Variants in TSPAN14 observed in about 807,000 individuals in gnomAD.
TSPAN14 encodes tetraspanin 14.
In TSPAN14, 16 loss-of-function variants were observed where a neutral mutation model predicts 36.6. The observed-to-expected ratio is 0.44, with a 90% CI of 0.30 to 0.66. The LOEUF (loss-of-function observed/expected upper bound fraction) is 0.66, where lower values mean the gene tolerates loss of function less well. TSPAN14 is among the 30% of genes least tolerant of loss of function. TSPAN14 has a pLI of 0.12. For missense variants in TSPAN14, 231 were observed against 355.1 expected (o/e 0.65, Z 2.81); for synonymous variants, 139 against 143.8 (o/e 0.97, Z 0.24).
rs754254301 is a variant in TSPAN14, at chr10:80,484,240, T to TA, written c.-17-4964dup. The stretch of plus-strand genomic sequence containing the variant: ...CTTGGGCAACAGAGCAGGACTTGTT[T>TA]AAAAAAAAAAAAAGTGTAAAATAGT... On this transcript the variant is annotated intron_variant, in intron 1 of 8. Coordinates refer to ENST00000429989, the Ensembl canonical transcript of TSPAN14. 5.6e-3 allele frequency among the ~76,000 whole-genome samples: 812 copies of TA among 145,844 alleles called. 41 individuals carry two copies. The East Asian group carries it at 0.11, about 20-fold the overall frequency.
At position 80,492,772 on chromosome 10, in the gene TSPAN14, C is replaced by T. The variant is rs528345455; in HGVS notation, c.81+3458C>T. 7.9e-5 allele frequency among the ~76,000 whole-genome samples: 12 copies of T among 151,876 alleles called. No individual in the cohort carries two copies. In the South Asian group the frequency reaches 1.5e-3, roughly 18 times the overall value. ...CGGAGCTTGCAGTGAGCCAAGATCG[C>T]GCCACTGCACTCCAGCCTGGGCGAC... On this transcript the variant is annotated intron_variant, in intron 2 of 8. Transcript: ENST00000429989.
intron 4 of TSPAN14, among the ~76,000 whole-genome samples, chr10:80,508,730 G>A (rs918807566): frequency 2.0e-5 from 3 of 152,142 alleles, no homozygotes; most frequent in African/African-American, 4.8e-5. Flanking sequence ...CACATGTCCT[G>A]CATGAACTAT....
chr10:80,503,659 G>A (rs1848651524), intron 2 of TSPAN14, among the ~76,000 whole-genome samples: 1 of 152,106 alleles, frequency 6.6e-6, no homozygotes, highest in Admixed American at 6.5e-5. Context: ...TCCAGAAGAG[G>A]TTGGATCACA....
At chr10:80,461,323 C>G (rs1056223682) in intron 1 of TSPAN14, among the ~76,000 whole-genome samples, 1 of 152,234 alleles carries the variant, frequency 6.6e-6, no homozygotes, top group African/African-American at 2.4e-5. Flanking sequence ...GGCCTTCCCT[C>G]CTTCCTAAAG....
At chr10:80,493,042 T>C (rs920012638) in intron 2 of TSPAN14, among the ~76,000 whole-genome samples, 3 of 152,176 alleles carry the variant, frequency 2.0e-5, no homozygotes, top group Admixed American at 2.0e-4. Context: ...GAGGTTCTTA[T>C]CACAAGGATG....
chr10:80,510,670 C>G (rs541805159), intron 5 of TSPAN14, among the ~76,000 whole-genome samples: 10 of 152,206 alleles, frequency 6.6e-5, no homozygotes, highest in Non-Finnish European at 1.3e-4. Context: ...GTCAGGAGAT[C>G]GAGACCATCC....
chr10:80,485,519 T>G (rs565977857), intron 1 of TSPAN14: 1 of 515,604 alleles, frequency 1.9e-6, no homozygotes, highest in East Asian at 1.5e-4. Context: ...TCATTACCCC[T>G]CCACAGTCAG....
At chr10:80,455,341 G>A (rs1177828282) in intron 1 of TSPAN14, among the ~76,000 whole-genome samples, 3 of 152,162 alleles carry the variant, frequency 2.0e-5, no homozygotes, top group African/African-American at 2.4e-5. Flanking sequence ...ACACTCGTTG[G>A]CTGTGCTGGC....
intron 1 of TSPAN14, among the ~76,000 whole-genome samples, chr10:80,484,392 A>T (rs1350117989): frequency 6.6e-6 from 1 of 151,732 alleles, no homozygotes; most frequent in African/African-American, 2.4e-5. Context: ...TGGTGTCATC[A>T]CTGTTCATCA....
chr10:80,472,715 C>G (rs1306549644), intron 1 of TSPAN14, among the ~76,000 whole-genome samples: 2 of 152,044 alleles, frequency 1.3e-5, no homozygotes, highest in African/African-American at 2.4e-5. Context: ...TCCTTCTTTC[C>G]TGTTTATTTA....
chr10:80,493,879 C>T (rs117047445), intron 2 of TSPAN14, among the ~76,000 whole-genome samples: 1 of 152,158 alleles, frequency 6.6e-6, no homozygotes, highest in Admixed American at 6.5e-5. Context: ...TTATACCCCC[C>T]ACTGGTTCCA....
At chr10:80,487,317 G>A (rs1277001625) in intron 1 of TSPAN14, among the ~76,000 whole-genome samples, 5 of 151,800 alleles carry the variant, frequency 3.3e-5, no homozygotes, top group African/African-American at 4.8e-5. Flanking sequence ...CAGTATCACC[G>A]TGGGGGCGGG....
chr10:80,509,733 C>A lies in TSPAN14; in HGVS notation c.450+262C>A. 2.1e-6 allele frequency: 1 copy of A among 470,504 alleles called. No individual in the cohort carries two copies. The highest frequency in any genetic ancestry group is 3.8e-6 in the Non-Finnish European group (1 of 260,382). 29.1% of individuals were successfully genotyped at this position (470,504 alleles called of 1,614,324 possible). A position where few individuals can be genotyped will look rare whatever the true frequency, so the allele number is the denominator to read the frequency against. ...CCGAGGCCACCCACCCCCCACGTGC[C>A]CGGCCCTCCTCTTTCGGCCCCAGAT... is the stretch of plus-strand genomic sequence containing the variant. On this transcript the variant is annotated intron_variant, in intron 5 of 8. Transcript: ENST00000429989. This position sits in a 1 kb window ranked among gnomAD's most constrained non-coding sequence, Gnocchi z 4.7.
intron 1 of TSPAN14, among the ~76,000 whole-genome samples, chr10:80,476,227 G>A (rs1006172059): frequency 6.6e-6 from 1 of 151,900 alleles, no homozygotes; most frequent in African/African-American, 2.4e-5. Context: ...TTAAAAATCA[G>A]TTGGGCTTGG....
At chr10:80,462,001 C>A (rs183492788) in intron 1 of TSPAN14, among the ~76,000 whole-genome samples, 10 of 152,084 alleles carry the variant, frequency 6.6e-5, no homozygotes, top group African/African-American at 1.9e-4. Context: ...GAGGCCTCCA[C>A]CTTCCTGGCT....
Position 80,465,129 on chromosome 10 carries a change from G to A in TSPAN14, c.-18+10758G>A, listed in dbSNP as rs78525861. On this transcript the variant is annotated intron_variant, in intron 1 of 8. Coordinates refer to ENST00000429989, the Ensembl canonical transcript of TSPAN14. Reference sequence around the variant, plus strand: ...AGCTGGGCAAGGAGCAGGAGTGGCCGGTGCCAGGCTTGTCGGCCACCTGCC... The same window carrying A: ...AGCTGGGCAAGGAGCAGGAGTGGCCAGTGCCAGGCTTGTCGGCCACCTGCC... Among the ~76,000 whole-genome samples the A allele has an allele frequency of 8.6e-3, 1,304 of 152,202 alleles. 16 individuals carry two copies. Among genetic ancestry groups the A allele is most frequent in the African/African-American group, 0.03 (1,251 of 41,518 alleles).
chr10:80,513,775 G>A (rs1163609695), intron 6 of TSPAN14, among the ~76,000 whole-genome samples: 1 of 152,156 alleles, frequency 6.6e-6, no homozygotes, highest in Non-Finnish European at 1.5e-5. Context: ...TGTCAGTGCC[G>A]GCTCTCATGC....
At chr10:80,511,555 G>C (rs1010845543) in intron 5 of TSPAN14, among the ~76,000 whole-genome samples, 1 of 152,168 alleles carries the variant, frequency 6.6e-6, no homozygotes, top group Non-Finnish European at 1.5e-5. Flanking sequence ...CTGCTAAGGA[G>C]GGCCAGGGCT....
At chr10:80,516,428 GCTTGCA>G in intron 8 of TSPAN14, 105 bp downstream of exon 8, 1 of 1,518,136 alleles carries the variant, frequency 6.6e-7, no homozygotes, top group South Asian at 1.2e-5. Flanking sequence ...TATTAAGGAA[GCTTGCA>G]GAAGAAAAAA....
Sources: allele counts gnomAD v4.1 joint callset (sites outside exome capture counted in the v4.1 genomes callset), GRCh38; gene constraint gnomAD v4.1.1; non-coding constraint Gnocchi (gnomAD v3.1); transcripts MANE v1.5; gene names NCBI Gene and HGNC (gene_info 2026-07-23, HGNC 2026-07-21).